Variants in ZBTB20 observed in about 807,000 individuals in gnomAD.
ZBTB20 encodes zinc finger and BTB domain-containing protein 20.
ZBTB20 carries 9 observed loss-of-function variants against 56.9 expected under a neutral mutation model. The observed-to-expected ratio is 0.16, with a 90% CI of 0.10 to 0.28. The LOEUF is 0.28. Among genes scored for constraint, ZBTB20 ranks in the 10% least tolerant of loss-of-function variants. ZBTB20 has a pLI of 1.00. For missense variants in ZBTB20, 655 were observed against 1,003.0 expected (o/e 0.65, Z 4.69); for synonymous variants, 417 against 420.7 (o/e 0.99, Z 0.11).
At chr3:114,868,234 C>A (rs1250265827) in intron 4 of ZBTB20, among the ~76,000 whole-genome samples, 1 of 152,124 alleles carries the variant, frequency 6.6e-6, no homozygotes, top group African/African-American at 2.4e-5. Flanking sequence ...TTGCCAAAAT[C>A]CCCAAAGTAA....
At chr3:115,008,585 T>C (rs968074660) in intron 2 of ZBTB20, among the ~76,000 whole-genome samples, 18 of 151,858 alleles carry the variant, frequency 1.2e-4, no homozygotes, top group African/African-American at 3.9e-4. Context: ...ATTTTACATA[T>C]GAAAAAACAG....
chr3:114,988,314 T>C (rs2078643874), intron 2 of ZBTB20, among the ~76,000 whole-genome samples: 1 of 143,182 alleles, frequency 7.0e-6, no homozygotes, highest in Non-Finnish European at 1.5e-5. Context: ...CGTGTTCTCA[T>C]TGTTCAATTC....
intron 5 of ZBTB20, among the ~76,000 whole-genome samples, chr3:114,767,195 G>A (rs1458318045): frequency 1.3e-5 from 2 of 152,022 alleles, no homozygotes; most frequent in Admixed American, 6.6e-5. Context: ...CTTAGATGAT[G>A]ATATTCAAGT....
At chr3:114,776,580 C>A (rs572707928) in intron 5 of ZBTB20, among the ~76,000 whole-genome samples, 2 of 152,324 alleles carry the variant, frequency 1.3e-5, no homozygotes, top group South Asian at 4.1e-4. Context: ...GGACTTTTGG[C>A]TTCCAGAACT....
intron 7 of ZBTB20, among the ~76,000 whole-genome samples, chr3:114,450,731 T>G (rs946831520): frequency 2.0e-5 from 3 of 152,142 alleles, no homozygotes; most frequent in African/African-American, 7.2e-5. Flanking sequence ...TAGAGAAGTT[T>G]TATTTTTCTT....
At chr3:114,710,070 T>TA (rs1389796885) in intron 5 of ZBTB20, among the ~76,000 whole-genome samples, 8 of 152,180 alleles carry the variant, frequency 5.3e-5, no homozygotes, top group African/African-American at 1.9e-4. Context: ...TTTCTACTCT[T>TA]ACATCAATAT....
chr3:114,927,571 A>T (rs1024741146), intron 3 of ZBTB20, among the ~76,000 whole-genome samples: 2 of 152,216 alleles, frequency 1.3e-5, no homozygotes, highest in African/African-American at 4.8e-5. Context: ...AGAAGGAAAA[A>T]ACAATTGAAG....
chr3:114,677,274 A>T (rs887091646), intron 6 of ZBTB20, among the ~76,000 whole-genome samples: 2 of 152,082 alleles, frequency 1.3e-5, no homozygotes, highest in African/African-American at 4.8e-5. Context: ...GTTACCAGAA[A>T]CCTTGCACTT....
At chr3:114,557,866 T>C (rs945535194) in intron 6 of ZBTB20, among the ~76,000 whole-genome samples, 2 of 152,060 alleles carry the variant, frequency 1.3e-5, no homozygotes, top group South Asian at 2.1e-4. Flanking sequence ...TTTTTACACA[T>C]GGCATTATTC....
At chr3:114,410,791 G>A (rs1378986276) in intron 7 of ZBTB20, among the ~76,000 whole-genome samples, 1 of 152,146 alleles carries the variant, frequency 6.6e-6, no homozygotes, top group South Asian at 2.1e-4. Context: ...ATGATGAATG[G>A]AGCAGACAGG....
intron 3 of ZBTB20, among the ~76,000 whole-genome samples, chr3:114,913,600 T>C (rs1215748877): frequency 2.0e-5 from 3 of 152,086 alleles, no homozygotes; most frequent in African/African-American, 4.8e-5. Context: ...TGATCCCATA[T>C]GTCCATTTTT....
At chr3:115,106,988 T>C (rs1272562108) in intron 1 of ZBTB20, among the ~76,000 whole-genome samples, 1 of 152,218 alleles carries the variant, frequency 6.6e-6, no homozygotes, top group East Asian at 1.9e-4. Context: ...ATTTGAGATA[T>C]AAGGATGATA....
intron 6 of ZBTB20, among the ~76,000 whole-genome samples, chr3:114,583,685 C>A (rs942197348): frequency 2.0e-5 from 3 of 152,134 alleles, no homozygotes; most frequent in Admixed American, 6.5e-5. Context: ...GTTCCTTACC[C>A]TATGCAAATA....
At chr3:114,749,568 A>AAAGGAAGG (rs71146333) in intron 5 of ZBTB20, among the ~76,000 whole-genome samples, 4,583 of 135,912 alleles carry the variant, frequency 0.034, 167 homozygotes, top group African/African-American at 0.081. Context: ...GAAAGAAAGA[A>AAAGGAAGG]AAGGAAGGAA....
chr3:114,638,124 G>C (rs1036717227), intron 6 of ZBTB20, among the ~76,000 whole-genome samples: 1 of 152,074 alleles, frequency 6.6e-6, no homozygotes, highest in Non-Finnish European at 1.5e-5. Flanking sequence ...TAGCAAAGAA[G>C]GGTGGCCTAG....
intron 3 of ZBTB20, among the ~76,000 whole-genome samples, chr3:114,962,254 T>C (rs989704597): frequency 2.0e-5 from 3 of 152,154 alleles, no homozygotes; most frequent in Non-Finnish European, 4.4e-5. Context: ...GAGCCTAGTA[T>C]ATTAAACCTA....
At chr3:114,409,014 G>T (rs2087638007) in intron 7 of ZBTB20, among the ~76,000 whole-genome samples, 1 of 151,500 alleles carries the variant, frequency 6.6e-6, no homozygotes, top group Non-Finnish European at 1.5e-5. Flanking sequence ...GCAACACACT[G>T]TGATGTCACA....
At chr3:114,962,021 G>A (rs1365762202) in intron 3 of ZBTB20, among the ~76,000 whole-genome samples, 1 of 152,040 alleles carries the variant, frequency 6.6e-6, no homozygotes, top group Non-Finnish European at 1.5e-5. Context: ...AATTACTGCT[G>A]TTGCATAAGT....
intron 5 of ZBTB20, among the ~76,000 whole-genome samples, chr3:114,741,221 G>T (rs2066546825): frequency 6.6e-6 from 1 of 152,132 alleles, no homozygotes; most frequent in African/African-American, 2.4e-5. Flanking sequence ...AAACTTAAAA[G>T]CCAGGAAAAT....
Sources: allele counts gnomAD v4.1 joint callset (sites outside exome capture counted in the v4.1 genomes callset), GRCh38; gene constraint gnomAD v4.1.1; transcripts MANE v1.5; gene names NCBI Gene and HGNC (gene_info 2026-07-23, HGNC 2026-07-21).